Variants in MAF observed in about 807,000 individuals in gnomAD.
The protein encoded by MAF is transcription factor Maf.
In MAF, 10 loss-of-function variants were observed where a neutral mutation model predicts 22.0. That is an observed-to-expected ratio of 0.45 (90% CI 0.28 to 0.77). The LOEUF (loss-of-function observed/expected upper bound fraction) is 0.77, where lower values mean the gene tolerates loss of function less well. MAF is among the 30% of genes least tolerant of loss of function. The pLI, the probability that MAF is intolerant of heterozygous loss-of-function variation, is 0.12. For missense variants in MAF, 544 were observed against 548.4 expected (o/e 0.99, Z 0.08); for synonymous variants, 337 against 255.8 (o/e 1.32, Z -3.03).
chr16:79,465,757 T>C, the MAF span, among the ~76,000 whole-genome samples: 1 of 152,276 alleles, frequency 6.6e-6, no homozygotes, highest in African/African-American at 2.4e-5. Context: ...ACCTTCAATA[T>C]CCTCTCCAGC....
chr16:79,596,458 A>C (rs1408063208), intron 1 of MAF: 6 of 1,052,660 alleles, frequency 5.7e-6, no homozygotes, highest in Non-Finnish European at 6.9e-6. Flanking sequence ...TAAACTGTAC[A>C]CTAAGAAACT....
chr16:79,582,422 G>A (rs983631194), downstream of MAF, among the ~76,000 whole-genome samples: 2 of 152,162 alleles, frequency 1.3e-5, no homozygotes, highest in African/African-American at 2.4e-5. Context: ...ATTTCTAAAT[G>A]CTTAATGTTT....
At chr16:79,480,616 G>A in the MAF span, among the ~76,000 whole-genome samples, 1 of 152,164 alleles carries the variant, frequency 6.6e-6, no homozygotes, top group South Asian at 2.1e-4. Flanking sequence ...ACTATGGAGG[G>A]AGGGTAGAAG....
chr16:79,366,337 G>C, the MAF span, among the ~76,000 whole-genome samples: 1 of 152,260 alleles, frequency 6.6e-6, no homozygotes, highest in African/African-American at 2.4e-5. Context: ...GTATAGGCAG[G>C]GTTAGAGCCT....
At chr16:79,563,841 G>A in the MAF span, among the ~76,000 whole-genome samples, 2 of 151,896 alleles carry the variant, frequency 1.3e-5, no homozygotes, top group African/African-American at 4.8e-5. Context: ...TAGCAATTCT[G>A]GTTGAGAAGT....
At chr16:79,359,236 G>A in the MAF span, among the ~76,000 whole-genome samples, 1 of 152,154 alleles carries the variant, frequency 6.6e-6, no homozygotes, top group African/African-American at 2.4e-5. Context: ...CCTAAACCAG[G>A]TCATCTTGTT....
At chr16:79,256,043 G>A in the MAF span, among the ~76,000 whole-genome samples, 4 of 141,044 alleles carry the variant, frequency 2.8e-5, no homozygotes, top group African/African-American at 1.1e-4. Context: ...GTGCTGTGGT[G>A]CGATCTCAGC....
chr16:79,297,267 T>C, the MAF span, among the ~76,000 whole-genome samples: 3 of 152,222 alleles, frequency 2.0e-5, no homozygotes, highest in African/African-American at 4.8e-5. Context: ...GCAATTACTC[T>C]TGATAGCACT....
chr16:79,248,380 T>G, the MAF span, among the ~76,000 whole-genome samples: 1 of 152,212 alleles, frequency 6.6e-6, no homozygotes, highest in African/African-American at 2.4e-5. Flanking sequence ...CTCCCACTTC[T>G]TTAGCTCTCT....
At chr16:79,485,635 T>A in the MAF span, among the ~76,000 whole-genome samples, 16 of 152,194 alleles carry the variant, frequency 1.1e-4, no homozygotes, top group African/African-American at 2.4e-4. Flanking sequence ...AAGGTTTTTT[T>A]AAAAATATCT....
the MAF span, among the ~76,000 whole-genome samples, chr16:79,536,822 T>C: frequency 1.3e-5 from 2 of 152,234 alleles, no homozygotes; most frequent in East Asian, 3.8e-4. Flanking sequence ...ATTTAAAGTA[T>C]ATCTGAAGAT....
chr16:79,237,326 T>A, the MAF span, among the ~76,000 whole-genome samples: 8 of 152,046 alleles, frequency 5.3e-5, no homozygotes, highest in East Asian at 7.7e-4. Flanking sequence ...GACTTTGTCA[T>A]TGGTCACATT....
chr16:79,407,611 A>G, the MAF span, among the ~76,000 whole-genome samples: 4 of 152,174 alleles, frequency 2.6e-5, no homozygotes, highest in Non-Finnish European at 4.4e-5. Context: ...ACAACAGCTC[A>G]GCCTGTGTTA....
the MAF span, among the ~76,000 whole-genome samples, chr16:79,281,855 C>T: frequency 6.6e-6 from 1 of 152,138 alleles, no homozygotes; most frequent in Admixed American, 6.6e-5. Flanking sequence ...ACAGCACACA[C>T]TCTCCCCTAA....
intron 1 of MAF, chr16:79,596,407 AGGAT>A (rs1460514401): frequency 9.5e-7 from 1 of 1,057,014 alleles, no homozygotes; most frequent in African/African-American, 1.6e-5. Context: ...ACTGGAGAAA[AGGAT>A]GCATTTTACA....
the MAF span, among the ~76,000 whole-genome samples, chr16:79,222,239 G>C: frequency 1.3e-5 from 2 of 152,124 alleles, no homozygotes; most frequent in Admixed American, 6.6e-5. Flanking sequence ...GCCAAACTGA[G>C]TTTCATAAGC....
the MAF span, among the ~76,000 whole-genome samples, chr16:79,257,952 T>C: frequency 3.4e-3 from 515 of 152,356 alleles, 9 homozygotes; most frequent in East Asian, 0.025. Context: ...CTTTCTAAAC[T>C]CTGCCATGAT....
the MAF span, among the ~76,000 whole-genome samples, chr16:79,258,791 TA>T: frequency 6.6e-6 from 1 of 152,172 alleles, no homozygotes; most frequent in Admixed American, 6.5e-5. Context: ...TTGGCAAGTA[TA>T]GTGCTAGTGA....
At chr16:79,482,113 C>T in the MAF span, among the ~76,000 whole-genome samples, 50 of 152,252 alleles carry the variant, frequency 3.3e-4, no homozygotes, top group East Asian at 2.7e-3. Context: ...GAGGGTTGGA[C>T]GCATTGACAA....
Sources: gnomAD v4.1 joint callset for allele counts (sites outside exome capture counted in the v4.1 genomes callset) on GRCh38, gnomAD v4.1.1 for gene constraint, MANE v1.5 for transcripts, NCBI Gene and HGNC (gene_info 2026-07-23, HGNC 2026-07-21) for gene names.